The following ERICH1 variants were observed in gnomAD, a reference collection of about 807,000 sequenced individuals.
ERICH1 encodes glutamate rich 1, also known as glutamate-rich protein 1.
A neutral mutation model predicts 39.6 loss-of-function variants in ERICH1; 56 were observed. The observed-to-expected ratio is 1.41, with a 90% CI of 1.14 to 1.77. The LOEUF (loss-of-function observed/expected upper bound fraction) is 1.77, where lower values mean the gene tolerates loss of function less well. ERICH1 is among the 40% of genes most tolerant of loss of function. The pLI is 0.00. For missense variants in ERICH1, 826 were observed against 575.4 expected, an observed-to-expected ratio of 1.44 and a Z score of -4.45; for synonymous variants, 313 against 223.6, an observed-to-expected ratio of 1.40 and a Z score of -3.57.
At chr8:715,464 C>G (rs1815697652) in intron 2 of ERICH1, among the ~76,000 whole-genome samples, 1 of 152,342 alleles carries the variant, frequency 6.6e-6, no homozygotes, top group African/African-American at 2.4e-5. Flanking sequence ...GGACAAGAAC[C>G]TCAGAAGCCT....
downstream of ERICH1, among the ~76,000 whole-genome samples, chr8:660,861 C>G (rs1194107638): frequency 6.6e-6 from 1 of 152,086 alleles, no homozygotes; most frequent in Non-Finnish European, 1.5e-5. Flanking sequence ...TGGGACTGCT[C>G]TCCTGGGTGG....
At chr8:728,983 T>C (rs1346200381) in intron 1 of ERICH1, among the ~76,000 whole-genome samples, 1 of 152,128 alleles carries the variant, frequency 6.6e-6, no homozygotes, top group South Asian at 2.1e-4. Flanking sequence ...CACCTCATGT[T>C]TCTTGGTCTG....
At chr8:662,881 G>A (rs577817140), downstream of ERICH1, among the ~76,000 whole-genome samples, 7 of 152,212 alleles carry the variant, frequency 4.6e-5, no homozygotes, top group South Asian at 1.5e-3. Context: ...GGGCAGGGGC[G>A]GGCAGGGCGC....
At chr8:643,650 T>G (rs565967207) in intron 3 of ERICH1, among the ~76,000 whole-genome samples, 7 of 152,244 alleles carry the variant, frequency 4.6e-5, no homozygotes, top group Non-Finnish European at 1.0e-4. Flanking sequence ...TTCATGTCTG[T>G]GTCTCGGGAC....
chr8:666,821 C>G (rs530076472), intron 5 of ERICH1: 2 of 152,622 alleles, frequency 1.3e-5, no homozygotes, highest in South Asian at 2.1e-4. Flanking sequence ...AGTGCCTCAC[C>G]GGCCACTCGG....
chr8:712,805 C>T (rs1815061628), intron 2 of ERICH1, among the ~76,000 whole-genome samples: 1 of 152,218 alleles, frequency 6.6e-6, no homozygotes, highest in Admixed American at 6.5e-5. Context: ...CACTATAATC[C>T]TTTATTAGTT....
intron 3 of ERICH1, among the ~76,000 whole-genome samples, chr8:679,250 A>G (rs971213153): frequency 7.6e-5 from 9 of 118,962 alleles, no homozygotes; most frequent in African/African-American, 2.0e-4. Context: ...TTCAGCTCCG[A>G]CCCCTCACAG....
At chr8:642,475 G>T (rs541062841) in intron 3 of ERICH1, among the ~76,000 whole-genome samples, 9 of 151,188 alleles carry the variant, frequency 6.0e-5, no homozygotes, top group Non-Finnish European at 8.8e-5. Flanking sequence ...CTCCCAGATA[G>T]CTGGGACTAC....
chr8:617,185 C>T (rs1379786545), intron 3 of ERICH1, among the ~76,000 whole-genome samples: 2 of 152,070 alleles, frequency 1.3e-5, no homozygotes, highest in African/African-American at 4.8e-5. Flanking sequence ...GTGGGGACCA[C>T]ACGATTCCAA....
chr8:730,477 T>G (rs956126888), intron 1 of ERICH1, among the ~76,000 whole-genome samples: 1 of 152,204 alleles, frequency 6.6e-6, no homozygotes, highest in Non-Finnish European at 1.5e-5. Context: ...CTCTTTTCAT[T>G]ATGATGATGA....
rs1819922437 is a variant in ERICH1, at chr8:731,178, G to A, written c.-17C>T. 2 of 1,500,956 alleles carry A rather than the reference G, an allele frequency of 1.3e-6. No homozygotes were observed. The highest frequency in any genetic ancestry group is 4.2e-5 in the Admixed American group (2 of 47,368). The allele number at this position is 1,500,956 out of a possible 1,614,324, so 93.0% of individuals were successfully genotyped here. A position where few individuals can be genotyped will look rare whatever the true frequency, so the allele number is the denominator to read the frequency against. On this transcript the variant is annotated 5_prime_UTR_variant, in exon 1 of 6. Transcript: ENST00000262109. The stretch of plus-strand genomic sequence containing the variant: ...CGCCGCCATGCGGGACCCTGCCGCG[G>A]ACCTCAGACCACGGCGCGCGGTCCT...
intron 1 of ERICH1, among the ~76,000 whole-genome samples, chr8:729,741 G>C (rs563170157): frequency 6.6e-6 from 1 of 151,998 alleles, no homozygotes; most frequent in South Asian, 2.1e-4. Context: ...AGGCTGTTTC[G>C]AGGGAAGGTG....
In ERICH1 at chr8:655,660, ATTCCTTCCTTCCTTCCTTCCTTCC is replaced by A. The variant is rs57152332; in HGVS notation, c.976+12914_976+12937del. Among the ~76,000 whole-genome samples, 219 of 143,088 alleles carry A rather than the reference ATTCCTTCCTTCCTTCCTTCCTTCC, an allele frequency of 1.5e-3. 2 individuals carry two copies. Among genetic ancestry groups the A allele is most frequent in the Middle Eastern group, 0.014 (4 of 284 alleles). The allele number at this position is 143,088 out of a possible 152,430, so 93.9% of individuals were successfully genotyped here. ...TATCTGTATTCATTCTGTCCTCTGC[ATTCCTTCCTTCCTTCCTTCCTTCC>A]TTCCTTCCTTCCTTCCTTCCTTCTT... On this transcript the variant is annotated intron_variant, in intron 3 of 3. Coordinates refer to the ERICH1 transcript ENST00000522706.
intron 3 of ERICH1, among the ~76,000 whole-genome samples, chr8:639,042 C>T (rs925426786): frequency 8.5e-5 from 13 of 152,218 alleles, no homozygotes; most frequent in African/African-American, 3.1e-4. Flanking sequence ...AGCCGTCTCT[C>T]AAGCAGGCCT....
chr8:657,993 A>C (rs1262607405), intron 3 of ERICH1, among the ~76,000 whole-genome samples: 1 of 152,154 alleles, frequency 6.6e-6, no homozygotes, highest in East Asian at 1.9e-4. Context: ...CCAGCCCCCA[A>C]GGGGCATCCA....
At chr8:685,950 G>C (rs928629865) in intron 3 of ERICH1, among the ~76,000 whole-genome samples, 2 of 140,490 alleles carry the variant, frequency 1.4e-5, no homozygotes, top group Admixed American at 7.2e-5. Context: ...TTCGAGACCA[G>C]CCTGGCCAAC....
Position 644,470 on chromosome 8 carries a change from G to C in ERICH1, c.976+24128C>G, listed in dbSNP as rs1266234714. Among the ~76,000 whole-genome samples the C allele has an allele frequency of 2.8e-5, 2 of 71,566 alleles. 1 individual carries two copies. Among genetic ancestry groups the C allele is most frequent in the African/African-American group, 7.0e-5 (2 of 28,586 alleles). The allele number at this position is 71,566 out of a possible 152,430, so 47.0% of individuals were successfully genotyped here. A position where few individuals can be genotyped will look rare whatever the true frequency, so the allele number is the denominator to read the frequency against. On this transcript the variant is annotated intron_variant, in intron 3 of 3. Coordinates refer to the ERICH1 transcript ENST00000522706. ...GAGAGTCAAATAGCACAACCCATTT[G>C]TCAGCTAAGACTGCTGCTTTCCAGG...
intron 3 of ERICH1, among the ~76,000 whole-genome samples, chr8:658,571 C>T (rs1356620976): frequency 2.6e-5 from 4 of 152,174 alleles, no homozygotes; most frequent in Non-Finnish European, 5.9e-5. Context: ...TATCCGCGGC[C>T]CACGTCCATG....
intron 2 of ERICH1, among the ~76,000 whole-genome samples, chr8:713,584 A>C (rs1815257654): frequency 6.6e-6 from 1 of 152,182 alleles, no homozygotes; most frequent in Non-Finnish European, 1.5e-5. Context: ...CACTCATCAC[A>C]TCGCAGGTTA....
Sources: gnomAD v4.1 joint callset for allele counts (sites outside exome capture counted in the v4.1 genomes callset) on GRCh38, gnomAD v4.1.1 for gene constraint, MANE v1.5 for transcripts, NCBI Gene and HGNC (gene_info 2026-07-23, HGNC 2026-07-21) for gene names.